The following MAPK8 variants were observed in gnomAD, a reference collection of about 807,000 sequenced individuals.
The protein encoded by MAPK8 is mitogen-activated protein kinase 8, also known as JUN N-terminal kinase.
A neutral mutation model predicts 52.9 loss-of-function variants in MAPK8; 13 were observed. That is an observed-to-expected ratio of 0.25 (90% CI 0.16 to 0.39). The LOEUF (loss-of-function observed/expected upper bound fraction) is 0.39, where lower values mean the gene tolerates loss of function less well. Among genes scored for constraint, MAPK8 ranks in the 10% least tolerant of loss-of-function variants. The pLI is 1.00. For synonymous variants in MAPK8, 191 were observed against 169.8 expected, an observed-to-expected ratio of 1.12 and a Z score of -0.97; for missense variants, 300 against 519.2, an observed-to-expected ratio of 0.58 and a Z score of 4.10.
chr10:48,310,729 TTG>T (rs111302388), intron 1 of MAPK8, among the ~76,000 whole-genome samples: 39,966 of 148,644 alleles, frequency 0.27, 5,792 homozygotes, highest in African/African-American at 0.38. Flanking sequence ...GTTTTTAAAA[TTG>T]TGTGTGTGTG....
intron 6 of MAPK8, among the ~76,000 whole-genome samples, chr10:48,420,960 A>G (rs2043319101): frequency 1.3e-5 from 2 of 152,224 alleles, no homozygotes; most frequent in South Asian, 2.1e-4. Flanking sequence ...AACATTTTGT[A>G]TGCATATACC....
At chr10:48,313,602 T>C (rs1204517403) in intron 1 of MAPK8, among the ~76,000 whole-genome samples, 1 of 152,254 alleles carries the variant, frequency 6.6e-6, no homozygotes, top group Non-Finnish European at 1.5e-5. Flanking sequence ...AAAAACGTAT[T>C]TTTCACAGCT....
chr10:48,317,939 A>AC lies in MAPK8; in HGVS notation c.-50+11124dup, dbSNP rs914149445. Among the ~76,000 whole-genome samples the AC allele has an allele frequency of 1.6e-4, 23 of 146,786 alleles. No individual in the cohort carries two copies. The South Asian group carries it at 1.8e-3, about 12-fold the overall frequency. On this transcript the variant is annotated intron_variant, in intron 1 of 11. Coordinates refer to ENST00000374189, the MANE Select transcript of MAPK8 (RefSeq NM_001323329.2). Reference sequence around the variant, plus strand: ...TGATATCAGTCAGCCTGGTTTTGTGACCCCCCACCCCCCCAGCATTATTTA... The same window carrying AC: ...TGATATCAGTCAGCCTGGTTTTGTGACCCCCCCACCCCCCCAGCATTATTTA...
At chr10:48,424,507 T>C in intron 7 of MAPK8, 7 of 1,567,740 alleles carry the variant, frequency 4.5e-6, no homozygotes, top group Non-Finnish European at 6.0e-6. Flanking sequence ...TTGCATTTTG[T>C]TTTCAGTTGA....
chr10:48,380,567 A>G (rs949760030), intron 1 of MAPK8, among the ~76,000 whole-genome samples: 2 of 151,776 alleles, frequency 1.3e-5, no homozygotes, highest in Non-Finnish European at 2.9e-5. Flanking sequence ...CCCCATATCT[A>G]CTAAAAGTAC....
chr10:48,402,433 T>C (rs1042005403), intron 2 of MAPK8, among the ~76,000 whole-genome samples: 3 of 152,222 alleles, frequency 2.0e-5, no homozygotes, highest in East Asian at 1.9e-4. Context: ...TCAGCTAATA[T>C]CTCACTGTGT....
intron 1 of MAPK8, among the ~76,000 whole-genome samples, chr10:48,356,937 T>TA (rs1847031037): frequency 1.3e-5 from 1 of 79,888 alleles, no homozygotes; most frequent in Non-Finnish European, 2.9e-5. Context: ...TGGTTGAAAG[T>TA]AAAAGGATGG....
chr10:48,355,220 C>T (rs753327679), intron 1 of MAPK8, among the ~76,000 whole-genome samples: 3 of 152,096 alleles, frequency 2.0e-5, no homozygotes, highest in Non-Finnish European at 2.9e-5. Flanking sequence ...ATTAAAAGTC[C>T]TCAATAGGGC....
intron 3 of MAPK8, among the ~76,000 whole-genome samples, chr10:48,407,173 C>G (rs2042517819): frequency 1.3e-5 from 2 of 152,184 alleles, no homozygotes; most frequent in Non-Finnish European, 2.9e-5. Flanking sequence ...GGCTTCACTT[C>G]CCAGTTTTGC....
intron 3 of MAPK8, among the ~76,000 whole-genome samples, chr10:48,407,520 C>T (rs2042537312): frequency 6.6e-6 from 1 of 152,082 alleles, no homozygotes; most frequent in South Asian, 2.1e-4. Flanking sequence ...GCTTGGCTGT[C>T]CAGTCTATAA....
At chr10:48,318,770 C>T (rs919265318) in intron 1 of MAPK8, among the ~76,000 whole-genome samples, 6 of 152,102 alleles carry the variant, frequency 3.9e-5, no homozygotes, top group African/African-American at 1.2e-4. Context: ...TACTGTAAAC[C>T]AGTTGTAATG....
chr10:48,401,573 G>C, intron 1 of MAPK8, 39 bp from the exon 2 acceptor site: 3 of 1,432,036 alleles, frequency 2.1e-6, no homozygotes, highest in Non-Finnish European at 2.9e-6. Flanking sequence ...ATTAAAACAA[G>C]TTCATTTTGT....
At chr10:48,351,041 C>G (rs549963190) in intron 1 of MAPK8, among the ~76,000 whole-genome samples, 1 of 152,158 alleles carries the variant, frequency 6.6e-6, no homozygotes, top group East Asian at 1.9e-4. Context: ...AATAAAATAC[C>G]TAGGAATACA....
intron 1 of MAPK8, among the ~76,000 whole-genome samples, chr10:48,308,479 G>T (rs1260979676): frequency 6.6e-6 from 1 of 152,138 alleles, no homozygotes; most frequent in Admixed American, 6.5e-5. Context: ...TGAATCACGT[G>T]TAGGTCATTC....
intron 1 of MAPK8, among the ~76,000 whole-genome samples, chr10:48,324,139 C>T (rs1041185001): frequency 2.0e-5 from 3 of 152,176 alleles, no homozygotes; most frequent in African/African-American, 4.8e-5. Context: ...TCGTTTATGT[C>T]TCTCCTAAAA....
intron 1 of MAPK8, among the ~76,000 whole-genome samples, chr10:48,369,539 G>C (rs1158159342): frequency 6.6e-6 from 1 of 152,112 alleles, no homozygotes; most frequent in Non-Finnish European, 1.5e-5. Flanking sequence ...CTATAGCAGA[G>C]GGAAAAGCTC....
At chr10:48,307,850 G>A (rs370983022) in intron 1 of MAPK8, among the ~76,000 whole-genome samples, 3 of 152,294 alleles carry the variant, frequency 2.0e-5, no homozygotes, top group South Asian at 4.1e-4. Context: ...ACCGTACTCA[G>A]ATGAAGAGGT....
rs141585269 is a variant in MAPK8, at chr10:48,333,944, C to T, written c.-50+27123C>T. On this transcript the variant is annotated intron_variant, in intron 1 of 11. Transcript: ENST00000374189. Reference sequence around the variant, plus strand: ...AAAGCAGTGGAGCCTGGCGCTTCTGCCATCTCCACCTCCTGGATCTCAGAG... The same window carrying T: ...AAAGCAGTGGAGCCTGGCGCTTCTGTCATCTCCACCTCCTGGATCTCAGAG... 6.9e-3 allele frequency among the ~76,000 whole-genome samples: 1,044 copies of T among 151,270 alleles called. 14 individuals carry two copies. The highest frequency in any genetic ancestry group is 0.024 in the African/African-American group (985 of 41,230).
intron 1 of MAPK8, among the ~76,000 whole-genome samples, chr10:48,338,347 C>T (rs1045340162): frequency 3.3e-5 from 5 of 151,828 alleles, no homozygotes; most frequent in African/African-American, 1.2e-4. Context: ...AATTAAAAAA[C>T]AAAAACCATA....
Sources: allele counts gnomAD v4.1 joint callset (sites outside exome capture counted in the v4.1 genomes callset), GRCh38; gene constraint gnomAD v4.1.1; transcripts MANE v1.5; gene names NCBI Gene and HGNC (gene_info 2026-07-23, HGNC 2026-07-21).